The following PRKCA variants were observed in gnomAD, a reference collection of about 807,000 sequenced individuals.
PRKCA encodes protein kinase C alpha type.
A neutral mutation model predicts 87.0 loss-of-function variants in PRKCA; 27 were observed. The ratio of observed to expected loss-of-function variants is 0.31; its 90% CI spans 0.23 to 0.43. The LOEUF is 0.43. Ranked by LOEUF, PRKCA falls within the 20% of genes least tolerant of loss-of-function variation. The pLI is 1.00. For missense variants in PRKCA, 518 were observed against 852.3 expected (o/e 0.61, Z 4.88); for synonymous variants, 329 against 311.1 (o/e 1.06, Z -0.61).
At chr17:66,395,219 A>G (rs1190858218) in intron 2 of PRKCA, among the ~76,000 whole-genome samples, 1 of 152,266 alleles carries the variant, frequency 6.6e-6, no homozygotes, top group Non-Finnish European at 1.5e-5. Flanking sequence ...TGTGAACTCT[A>G]AAGAAGATAA....
At chr17:66,575,688 T>C (rs1043986224) in intron 3 of PRKCA, among the ~76,000 whole-genome samples, 1 of 152,214 alleles carries the variant, frequency 6.6e-6, no homozygotes, top group Admixed American at 6.5e-5. Context: ...AGGGATTACT[T>C]GGAAACATTG....
intron 5 of PRKCA, among the ~76,000 whole-genome samples, chr17:66,651,655 A>G (rs1404985697): frequency 6.6e-6 from 1 of 152,174 alleles, no homozygotes; most frequent in Non-Finnish European, 1.5e-5. Flanking sequence ...TGGTTATGGG[A>G]TTTGGATCCA....
chr17:66,506,950 G>C (rs1917006807), intron 3 of PRKCA, among the ~76,000 whole-genome samples: 1 of 152,184 alleles, frequency 6.6e-6, no homozygotes, highest in Admixed American at 6.5e-5. Context: ...CCTGCTGTAG[G>C]AGTGCAAATT....
Position 66,741,665 on chromosome 17 carries a change from T to G in PRKCA, c.1329T>G (p.Tyr443Ter), listed in dbSNP as rs747860021. Residue 443 changes from tyrosine (Y) to a stop codon, truncating the protein, a stop_gained, in exon 12 of 17, where the codon TAT (tyrosine) becomes TAG (stop). Coordinates refer to ENST00000413366, the MANE Select transcript of PRKCA (RefSeq NM_002737.3). LOFTEE classifies it high-confidence loss of function. ...AGCCCGTTTTCTTTTGCAGATTCTA[T>G]GCGGCAGAGATTTCCATCGGATTGT... ...GKFKEPQAVF[Y>*]AAEISIGLFF... 6.2e-7 allele frequency: 1 copy of G among 1,614,188 alleles called. No homozygotes were observed. Among genetic ancestry groups the G allele is most frequent in the Non-Finnish European group, 8.5e-7 (1 of 1,180,034 alleles).
intron 8 of PRKCA, among the ~76,000 whole-genome samples, chr17:66,711,924 A>AG (rs1162156550): frequency 6.6e-6 from 1 of 152,176 alleles, no homozygotes; most frequent in Non-Finnish European, 1.5e-5. Context: ...AAGAAAAAAA[A>AG]TATTCCTTGA....
At chr17:66,668,623 A>T (rs1972098382) in intron 5 of PRKCA, among the ~76,000 whole-genome samples, 1 of 152,224 alleles carries the variant, frequency 6.6e-6, no homozygotes, top group Non-Finnish European at 1.5e-5. Flanking sequence ...CTTTGGGCAA[A>T]TAACACATCT....
intron 3 of PRKCA, among the ~76,000 whole-genome samples, chr17:66,579,357 G>C (rs1328645775): frequency 1.3e-5 from 2 of 152,190 alleles, no homozygotes; most frequent in Non-Finnish European, 2.9e-5. Context: ...CCTGAAGAAA[G>C]ATGTTTCCGG....
chr17:66,712,714 G>A (rs573859572), intron 8 of PRKCA, among the ~76,000 whole-genome samples: 3 of 152,266 alleles, frequency 2.0e-5, no homozygotes, highest in South Asian at 4.1e-4. Context: ...ACACTGCCTG[G>A]GTTCAAGGGT....
chr17:66,799,915 C>A (rs1390413854), intron 16 of PRKCA, among the ~76,000 whole-genome samples: 1 of 151,930 alleles, frequency 6.6e-6, no homozygotes, highest in Non-Finnish European at 1.5e-5. Context: ...CTGCCCCCTG[C>A]CTCTTGGTGG....
chr17:66,490,281 T>C (rs982744527), intron 2 of PRKCA, among the ~76,000 whole-genome samples: 2 of 152,310 alleles, frequency 1.3e-5, no homozygotes, highest in Admixed American at 6.5e-5. Context: ...TAAATGTACA[T>C]GTCAGTGGCA....
chr17:66,341,374 T>A (rs1907036836), intron 2 of PRKCA, among the ~76,000 whole-genome samples: 2 of 152,188 alleles, frequency 1.3e-5, no homozygotes, highest in Non-Finnish European at 2.9e-5. Flanking sequence ...TTGAGGGATG[T>A]TAAGTAATTT....
intron 16 of PRKCA, among the ~76,000 whole-genome samples, chr17:66,790,624 A>G (rs1358079829): frequency 6.6e-6 from 1 of 152,220 alleles, no homozygotes. Flanking sequence ...GTTTCTTTAT[A>G]GGAACAACGT....
At chr17:66,768,102 C>T (rs1974849763) in intron 13 of PRKCA, among the ~76,000 whole-genome samples, 1 of 152,092 alleles carries the variant, frequency 6.6e-6, no homozygotes. Context: ...TGCCACCGGA[C>T]CCAGCTAATT....
intron 2 of PRKCA, among the ~76,000 whole-genome samples, chr17:66,492,747 C>T (rs939626451): frequency 3.3e-5 from 5 of 152,218 alleles, no homozygotes; most frequent in East Asian, 1.9e-4. Context: ...TATTATCCGT[C>T]CTTCGAGAGT....
At chr17:66,514,095 T>C (rs1329041864) in intron 3 of PRKCA, among the ~76,000 whole-genome samples, 1 of 152,216 alleles carries the variant, frequency 6.6e-6, no homozygotes, top group Non-Finnish European at 1.5e-5. Context: ...TGTTCTATTT[T>C]ACAATTAGTT....
intron 8 of PRKCA, among the ~76,000 whole-genome samples, chr17:66,714,329 A>G (rs921784964): frequency 6.6e-6 from 1 of 152,124 alleles, no homozygotes. Context: ...TACCATGTGT[A>G]AAGGGAAAAG....
chr17:66,643,317 T>C (rs1971359013), intron 4 of PRKCA, among the ~76,000 whole-genome samples: 1 of 152,186 alleles, frequency 6.6e-6, no homozygotes, highest in African/African-American at 2.4e-5. Context: ...TACTCAGTTT[T>C]CTGCATGAAT....
rs551456922 is a variant in PRKCA at position 66,396,517 on chromosome 17, T to C, written c.205+90390T>C. ...ATGTAGTTTTTACATAGTTTTATGC[T>C]GCTTTTTACACTTGTCATGTGTATT... On this transcript the variant is annotated intron_variant, in intron 2 of 16. Transcript: ENST00000413366. Among the ~76,000 whole-genome samples the C allele has an allele frequency of 2.6e-5, 4 of 152,320 alleles. No individual in the cohort carries two copies. The South Asian group carries it at 8.3e-4, about 32-fold the overall frequency.
At chr17:66,732,846 A>C in intron 9 of PRKCA, 21 bp downstream of exon 9, 1 of 1,606,972 alleles carries the variant, frequency 6.2e-7, no homozygotes, top group Non-Finnish European at 8.5e-7. Flanking sequence ...AGTCGTCTGC[A>C]AATTGCAGGG....
Sources: allele counts gnomAD v4.1 joint callset (sites outside exome capture counted in the v4.1 genomes callset), GRCh38; gene constraint gnomAD v4.1.1; transcripts MANE v1.5; gene names NCBI Gene and HGNC (gene_info 2026-07-23, HGNC 2026-07-21).